The following FGF12 variants were observed in gnomAD, a reference collection of about 807,000 sequenced individuals.
The protein encoded by FGF12 is fibroblast growth factor 12.
Under a neutral mutation model 23.6 loss-of-function variants are expected in FGF12, and 14 were observed. That is an observed-to-expected ratio of 0.59 (90% CI 0.39 to 0.93). The LOEUF (loss-of-function observed/expected upper bound fraction) is 0.93, where lower values mean the gene tolerates loss of function less well. Among genes scored for constraint, FGF12 ranks in the 40% least tolerant of loss-of-function variants. The pLI is 0.00. For synonymous variants in FGF12, 62 were observed against 77.3 expected (o/e 0.80, Z 1.04); for missense variants, 175 against 217.8 (o/e 0.80, Z 1.24).
chr3:192,303,763 T>C (rs1715469709), intron 4 of FGF12, among the ~76,000 whole-genome samples: 1 of 152,194 alleles, frequency 6.6e-6, no homozygotes, highest in Non-Finnish European at 1.5e-5. Flanking sequence ...TGAGTTTTAA[T>C]TTTTCCATCT....
At position 192,543,193 on chromosome 3, in the gene FGF12, T is replaced by G. The variant is rs76167242; in HGVS notation, c.14-182655A>C. Among the ~76,000 whole-genome samples the G allele has an allele frequency of 4.2e-3, 634 of 152,324 alleles. 2 individuals are homozygous for G. Among genetic ancestry groups the G allele is most frequent in the Non-Finnish European group, 6.1e-3 (417 of 68,026 alleles). ...GAATCTACCTGTTGCTCTATTCTAC[T>G]GTGGCTGAGCTGGCACCCAAGCCAC... On this transcript the variant is annotated intron_variant, in intron 2 of 5. Coordinates refer to ENST00000445105, the MANE Select transcript of FGF12 (RefSeq NM_004113.6).
intron 4 of FGF12, among the ~76,000 whole-genome samples, chr3:192,183,656 G>C (rs1716300305): frequency 6.6e-6 from 1 of 152,130 alleles, no homozygotes; most frequent in South Asian, 2.1e-4. Context: ...TTTCATAAAA[G>C]GTACTAAAAA....
At chr3:192,631,612 T>TA (rs1467025198) in intron 2 of FGF12, among the ~76,000 whole-genome samples, 1 of 152,174 alleles carries the variant, frequency 6.6e-6, no homozygotes, top group Admixed American at 6.5e-5. Flanking sequence ...AGTGGAGCTC[T>TA]AAAAAATGGC....
intron 2 of FGF12, among the ~76,000 whole-genome samples, chr3:192,410,718 G>A: frequency 6.6e-6 from 1 of 152,174 alleles, no homozygotes; most frequent in Admixed American, 6.5e-5. Flanking sequence ...CCTAAAAAGA[G>A]AGCCCAAATA....
intron 2 of FGF12, among the ~76,000 whole-genome samples, chr3:192,724,422 C>T (rs1719144824): frequency 6.6e-6 from 1 of 152,278 alleles, no homozygotes; most frequent in Middle Eastern, 3.4e-3. Context: ...GGTGCCATCT[C>T]AGGATGAGTA....
intron 2 of FGF12, among the ~76,000 whole-genome samples, chr3:192,587,959 T>G (rs1713440411): frequency 6.6e-6 from 1 of 151,926 alleles, no homozygotes; most frequent in Non-Finnish European, 1.5e-5. Flanking sequence ...CACTTTTGGT[T>G]ACCTAATTTA....
intron 2 of FGF12, among the ~76,000 whole-genome samples, chr3:192,517,949 A>G (rs1724720069): frequency 6.6e-6 from 1 of 152,158 alleles, no homozygotes; most frequent in Non-Finnish European, 1.5e-5. Flanking sequence ...ATGTATCATA[A>G]CATCCCAAAA....
chr3:192,229,649 G>A (rs2108582654), intron 4 of FGF12, among the ~76,000 whole-genome samples: 1 of 152,150 alleles, frequency 6.6e-6, no homozygotes, highest in South Asian at 2.1e-4. Flanking sequence ...ATGTTATGTA[G>A]TTTAAAATGA....
At position 192,523,910 on chromosome 3, in the gene FGF12, T is replaced by A. The variant is rs9291028; in HGVS notation, c.14-163372A>T. On this transcript the variant is annotated intron_variant, in intron 2 of 5. Transcript: ENST00000445105. The stretch of plus-strand genomic sequence containing the variant: ...CATGTAAAACCACATAGCAGTATCA[T>A]GATATTTGTAAAGAAGAGGTTCTTC... 2.0e-5 allele frequency among the ~76,000 whole-genome samples: 3 copies of A among 152,222 alleles called. No homozygotes were observed. The South Asian group carries it at 6.2e-4, about 32-fold the overall frequency.
At chr3:192,277,802 G>A (rs553159318) in intron 4 of FGF12, among the ~76,000 whole-genome samples, 7 of 152,188 alleles carry the variant, frequency 4.6e-5, no homozygotes, top group South Asian at 2.1e-4. Flanking sequence ...TCGCTCTGTC[G>A]CCCTGGCTGG....
At chr3:192,671,537 A>T (rs1437305762) in intron 2 of FGF12, among the ~76,000 whole-genome samples, 3 of 152,178 alleles carry the variant, frequency 2.0e-5, no homozygotes, top group African/African-American at 4.8e-5. Flanking sequence ...AGGCAGAAAC[A>T]CCCATAACCA....
At chr3:192,319,196 GGT>G (rs1295618776) in intron 4 of FGF12, among the ~76,000 whole-genome samples, 1 of 152,162 alleles carries the variant, frequency 6.6e-6, no homozygotes, top group Non-Finnish European at 1.5e-5. Flanking sequence ...AAAATTCACT[GGT>G]AATAGTAAAC....
At chr3:192,493,759 G>A (rs1229825680) in intron 2 of FGF12, among the ~76,000 whole-genome samples, 1 of 152,122 alleles carries the variant, frequency 6.6e-6, no homozygotes, top group Non-Finnish European at 1.5e-5. Flanking sequence ...CAGATCTCAG[G>A]AGAAGTCACT....
intron 4 of FGF12, among the ~76,000 whole-genome samples, chr3:192,243,627 G>A (rs780492938): frequency 1.3e-5 from 2 of 151,298 alleles, no homozygotes; most frequent in Non-Finnish European, 3.0e-5. Flanking sequence ...GCATTTTAAT[G>A]ACTTTAAATG....
intron 2 of FGF12, among the ~76,000 whole-genome samples, chr3:192,597,817 C>T (rs1713929572): frequency 6.6e-6 from 1 of 152,208 alleles, no homozygotes; most frequent in South Asian, 2.1e-4. Flanking sequence ...GACTGAAATA[C>T]AACTTACAGC....
chr3:192,664,470 G>A (rs1464951979), intron 2 of FGF12, among the ~76,000 whole-genome samples: 3 of 151,822 alleles, frequency 2.0e-5, no homozygotes, highest in Admixed American at 6.6e-5. Context: ...CACCAAAGGC[G>A]GGGCACGGTG....
chr3:192,540,506 G>A (rs932155682), intron 2 of FGF12, among the ~76,000 whole-genome samples: 12 of 151,988 alleles, frequency 7.9e-5, no homozygotes, highest in Admixed American at 1.3e-4. Flanking sequence ...CAGAAGATAC[G>A]TGATATAACT....
intron 4 of FGF12, among the ~76,000 whole-genome samples, chr3:192,243,517 A>T (rs980112011): frequency 2.1e-5 from 3 of 140,524 alleles, no homozygotes; most frequent in Non-Finnish European, 4.5e-5. Context: ...GTGGTAAAAC[A>T]TTAGGGCAGC....
chr3:192,717,931 T>C (rs952159551), intron 2 of FGF12, among the ~76,000 whole-genome samples: 1 of 152,182 alleles, frequency 6.6e-6, no homozygotes, highest in Non-Finnish European at 1.5e-5. Context: ...ATAGCTTTCA[T>C]CTGGTGGTAG....
Sources: allele counts gnomAD v4.1 joint callset (sites outside exome capture counted in the v4.1 genomes callset), GRCh38; gene constraint gnomAD v4.1.1; transcripts MANE v1.5; gene names NCBI Gene and HGNC (gene_info 2026-07-23, HGNC 2026-07-21).